The following GARIN1A variants were observed in gnomAD, a reference collection of about 807,000 sequenced individuals.
GARIN1A encodes the protein golgi associated RAB2 interactor 1A.
chr7:128,689,761 C>G, the GARIN1A span, among the ~76,000 whole-genome samples: 2 of 81,056 alleles, frequency 2.5e-5, no homozygotes, highest in African/African-American at 7.5e-5. Context: ...CCCCCGCCGG[C>G]CAGCCACCCC....
the GARIN1A span, chr7:128,677,902 C>CAGG: frequency 2.6e-6 from 3 of 1,150,262 alleles, no homozygotes; most frequent in Non-Finnish European, 3.6e-6. Flanking sequence ...GACTTGTTTC[C>CAGG]ATGTCTTTTA....
At chr7:128,683,034 A>G in the GARIN1A span, 4 of 1,611,074 alleles carry the variant, frequency 2.5e-6, no homozygotes, top group South Asian at 2.2e-5. Flanking sequence ...GGCATCTCCA[A>G]TCAATTTGAA....
chr7:128,687,648 A>G, the GARIN1A span: 1 of 152,160 alleles, frequency 6.6e-6, no homozygotes, highest in East Asian at 1.9e-4. Context: ...GCATCTCTAC[A>G]CATCCTTGCT....
At chr7:128,693,960 CT>C in the GARIN1A span, 1 of 152,516 alleles carries the variant, frequency 6.6e-6, no homozygotes, top group Non-Finnish European at 1.5e-5. Flanking sequence ...GGCTGCCTGT[CT>C]TTTACAGATA....
the GARIN1A span, among the ~76,000 whole-genome samples, chr7:128,705,622 A>T: frequency 2.4e-4 from 34 of 144,300 alleles, no homozygotes; most frequent in Non-Finnish European, 4.7e-4. Context: ...ATCAGCCGCA[A>T]CACTGATGGC....
At chr7:128,692,768 G>T in the GARIN1A span, among the ~76,000 whole-genome samples, 4 of 152,144 alleles carry the variant, frequency 2.6e-5, no homozygotes, top group Admixed American at 6.5e-5. Flanking sequence ...TGAGGCAGCC[G>T]GCAGGGAAGC....
chr7:128,695,202 C>G, the GARIN1A span, among the ~76,000 whole-genome samples: 1 of 152,232 alleles, frequency 6.6e-6, no homozygotes, highest in Middle Eastern at 3.2e-3. This position sits in a 1 kb window ranked among gnomAD's most constrained non-coding sequence, Gnocchi z 4.5. Context: ...GGCCAAGCCA[C>G]TGTCCACCCT....
At chr7:128,707,461 G>C in the GARIN1A span, among the ~76,000 whole-genome samples, 2,064 of 152,030 alleles carry the variant, frequency 0.014, 53 homozygotes, top group African/African-American at 0.047. Flanking sequence ...GCTTCTATGA[G>C]TTTGACTAAT....
the GARIN1A span, among the ~76,000 whole-genome samples, chr7:128,704,466 G>C: frequency 6.6e-6 from 1 of 151,890 alleles, no homozygotes; most frequent in African/African-American, 2.4e-5. Flanking sequence ...CACCACACCT[G>C]GCTAATTTTT....
At chr7:128,692,748 C>T in the GARIN1A span, among the ~76,000 whole-genome samples, 32 of 152,258 alleles carry the variant, frequency 2.1e-4, no homozygotes, top group African/African-American at 7.7e-4. Flanking sequence ...TAGGGCTTTA[C>T]TGTTGTAGGT....
At chr7:128,681,449 TC>T in the GARIN1A span, among the ~76,000 whole-genome samples, 3 of 85,840 alleles carry the variant, frequency 3.5e-5, no homozygotes, top group African/African-American at 1.2e-4. Flanking sequence ...TCCCCTCCTC[TC>T]CCCTCCCCTC....
chr7:128,689,390 G>A, the GARIN1A span, among the ~76,000 whole-genome samples: 1 of 151,756 alleles, frequency 6.6e-6, no homozygotes. Context: ...CGTCTGAGAT[G>A]TGGGGAGCGC....
the GARIN1A span, among the ~76,000 whole-genome samples, chr7:128,676,435 G>T: frequency 7.0e-6 from 1 of 143,830 alleles, no homozygotes; most frequent in African/African-American, 2.6e-5. Context: ...GTGTGTGTGT[G>T]TGTAAGTGTG....
the GARIN1A span, among the ~76,000 whole-genome samples, chr7:128,678,683 A>G: frequency 1.3e-5 from 2 of 151,898 alleles, no homozygotes; most frequent in African/African-American, 4.8e-5. Flanking sequence ...AGGCCCCTAT[A>G]ATACTACTCA....
At chr7:128,682,321 G>A in the GARIN1A span, among the ~76,000 whole-genome samples, 1 of 152,124 alleles carries the variant, frequency 6.6e-6, no homozygotes, top group Non-Finnish European at 1.5e-5. Flanking sequence ...TAGTCCCCGG[G>A]ATTTTGTCTT....
chr7:128,675,953 G>A, the GARIN1A span: 251 of 808,636 alleles, frequency 3.1e-4, 2 homozygotes, highest in South Asian at 2.5e-3. Flanking sequence ...AAAAGATAGC[G>A]TTCTTTAGTG....
At chr7:128,706,960 T>C in the GARIN1A span, among the ~76,000 whole-genome samples, 5 of 151,860 alleles carry the variant, frequency 3.3e-5, no homozygotes, top group African/African-American at 1.2e-4. Flanking sequence ...GATCCTGGGG[T>C]GATGAGGACT....
the GARIN1A span, among the ~76,000 whole-genome samples, chr7:128,674,140 G>A: frequency 2.0e-5 from 3 of 151,992 alleles, no homozygotes; most frequent in South Asian, 2.1e-4. Context: ...TGATCTGCCC[G>A]CCTTGGCCTC....
chr7:128,692,288 C>G, the GARIN1A span, among the ~76,000 whole-genome samples: 2 of 152,212 alleles, frequency 1.3e-5, no homozygotes. Context: ...GTTAAAGTGT[C>G]TATTTCTTGT....
Sources: gnomAD v4.1 joint callset for allele counts (sites outside exome capture counted in the v4.1 genomes callset) on GRCh38, gnomAD v4.1.1 for gene constraint, Gnocchi (gnomAD v3.1) non-coding constraint, MANE v1.5 for transcripts, NCBI Gene and HGNC (gene_info 2026-07-23, HGNC 2026-07-21) for gene names.